GPR158: variants seen among roughly 807,000 people sequenced by gnomAD.
The protein encoded by GPR158 is G protein-coupled receptor 158, also known as metabotropic glycine receptor.
GPR158 carries 30 observed loss-of-function variants against 78.2 expected under a neutral mutation model. The ratio of observed to expected loss-of-function variants is 0.38; its 90% CI spans 0.29 to 0.52. The LOEUF (loss-of-function observed/expected upper bound fraction) is 0.52, where lower values mean the gene tolerates loss of function less well. GPR158 is among the 20% of genes least tolerant of loss of function. The probability of loss-of-function intolerance (pLI) is 0.83; values close to 1 mark genes in which losing one functional copy is unlikely to be tolerated. For synonymous variants in GPR158, 581 were observed against 591.1 expected (o/e 0.98, Z 0.25); for missense variants, 1,463 against 1,523.5 (o/e 0.96, Z 0.66).
intron 2 of GPR158, among the ~76,000 whole-genome samples, chr10:25,222,101 T>C (rs1213559777): frequency 6.6e-6 from 1 of 152,132 alleles, no homozygotes; most frequent in Admixed American, 6.5e-5. Flanking sequence ...CACAGACAGT[T>C]GCACAGGTAT....
chr10:25,379,327 G>C (rs1013668856), intron 2 of GPR158, among the ~76,000 whole-genome samples: 1 of 152,080 alleles, frequency 6.6e-6, no homozygotes, highest in South Asian at 2.1e-4. Context: ...TTCCAGAGAG[G>C]CTTTAACCTA....
intron 2 of GPR158, among the ~76,000 whole-genome samples, chr10:25,289,061 G>A (rs932467585): frequency 5.3e-5 from 8 of 152,188 alleles, no homozygotes; most frequent in African/African-American, 1.2e-4. Context: ...TGACTTACAA[G>A]CAACTTGGCC....
intron 3 of GPR158, among the ~76,000 whole-genome samples, chr10:25,409,957 T>C (rs530900109): frequency 1.3e-5 from 2 of 152,328 alleles, no homozygotes; most frequent in African/African-American, 4.8e-5. Context: ...GGACTAAAAC[T>C]CCTACTCTTT....
chr10:25,422,641 A>AAAAG (rs56289037), intron 4 of GPR158, among the ~76,000 whole-genome samples: 1 of 150,992 alleles, frequency 6.6e-6, no homozygotes, highest in Admixed American at 6.6e-5. Context: ...AAAAAAAAAA[A>AAAAG]TGTGACATAT....
At chr10:25,393,075 G>A (rs994961016) in intron 2 of GPR158, among the ~76,000 whole-genome samples, 2 of 152,140 alleles carry the variant, frequency 1.3e-5, no homozygotes, top group Non-Finnish European at 2.9e-5. Context: ...AAATCAGGAG[G>A]CATTTCTTTC....
At chr10:25,572,952 T>G in intron 7 of GPR158, 65 bp downstream of exon 7, 3 of 948,082 alleles carry the variant, frequency 3.2e-6, no homozygotes, top group Non-Finnish European at 5.2e-6. Context: ...ACTGACTTCT[T>G]TAAAAGTCTT....
chr10:25,336,812 G>T (rs1855214451), intron 2 of GPR158, among the ~76,000 whole-genome samples: 1 of 152,052 alleles, frequency 6.6e-6, no homozygotes, highest in African/African-American at 2.4e-5. Context: ...GGAAGATGGT[G>T]CTCAGGCAAT....
At position 25,319,864 on chromosome 10, in the gene GPR158, G is replaced by C. The variant is rs1854921105; in HGVS notation, c.1009-76047G>C. Among the ~76,000 whole-genome samples, 3 of 141,742 alleles carry C rather than the reference G, an allele frequency of 2.1e-5. No individual in the cohort carries two copies. The Admixed American group carries it at 2.3e-4, about 11-fold the overall frequency. The allele number at this position is 141,742 out of a possible 152,430, so 93.0% of individuals were successfully genotyped here. ...ACCCTGACCTGATTTTCTGTGTACT[G>C]TGGCAAATGAAAAATAAGGGTTCAA... On this transcript the variant is annotated intron_variant, in intron 2 of 10. Coordinates refer to ENST00000376351, the MANE Select transcript of GPR158 (RefSeq NM_020752.3).
At chr10:25,308,466 C>T (rs900555276) in intron 2 of GPR158, among the ~76,000 whole-genome samples, 2 of 152,090 alleles carry the variant, frequency 1.3e-5, no homozygotes, top group Non-Finnish European at 1.5e-5. Flanking sequence ...AGCCATTACT[C>T]TATTGCCTGT....
At chr10:25,415,855 T>A (rs1834651144) in intron 4 of GPR158, among the ~76,000 whole-genome samples, 1 of 152,016 alleles carries the variant, frequency 6.6e-6, no homozygotes, top group Non-Finnish European at 1.5e-5. Context: ...GAAGGAAGAA[T>A]GGGGAGTTAC....
In GPR158 at chr10:25,495,408, T is replaced by G. The variant is rs532982880; in HGVS notation, c.1404+28689T>G. On this transcript the variant is annotated intron_variant, in intron 5 of 10. Coordinates refer to ENST00000376351, the MANE Select transcript of GPR158 (RefSeq NM_020752.3). ...CCCAGGTTCACACCATTCTCCTGCC[T>G]CAGCCTCCTGAGTAGCTGGGACTAC... Among the ~76,000 whole-genome samples, 12 of 145,902 alleles carry G rather than the reference T, an allele frequency of 8.2e-5. No homozygotes were observed. The East Asian group carries it at 2.4e-3, about 29-fold the overall frequency.
chr10:25,291,822 AT>A (rs1220768486), intron 2 of GPR158, among the ~76,000 whole-genome samples: 1 of 151,320 alleles, frequency 6.6e-6, no homozygotes, highest in Non-Finnish European at 1.5e-5. Context: ...CAAATGAGTT[AT>A]AAGGCTATAT....
rs1031008921 is a variant in GPR158 at position 25,266,787 on chromosome 10, A to AT, written c.1008+45637dup. On this transcript the variant is annotated intron_variant, in intron 2 of 10. Transcript: ENST00000376351. Reference sequence around the variant, plus strand: ...TGAGCAGTTTTATAACCTCATAAATATTTTTTTATGATGAGTGTTAGAATG... The same window carrying AT: ...TGAGCAGTTTTATAACCTCATAAATATTTTTTTTATGATGAGTGTTAGAATG... 5.3e-5 allele frequency among the ~76,000 whole-genome samples: 8 copies of AT among 151,918 alleles called. No homozygotes were observed. In the East Asian group the frequency reaches 9.6e-4, roughly 18 times the overall value.
intron 2 of GPR158, among the ~76,000 whole-genome samples, chr10:25,305,431 T>C (rs1854659388): frequency 6.6e-6 from 1 of 152,194 alleles, no homozygotes; most frequent in Non-Finnish European, 1.5e-5. Flanking sequence ...ATGGGGACCA[T>C]ACATAGGCCA....
intron 2 of GPR158, among the ~76,000 whole-genome samples, chr10:25,272,398 A>G (rs1420227491): frequency 6.7e-6 from 1 of 149,342 alleles, no homozygotes; most frequent in Non-Finnish European, 1.5e-5. Flanking sequence ...TCTCTGGTAG[A>G]TGATTTATTT....
intron 2 of GPR158, among the ~76,000 whole-genome samples, chr10:25,345,853 A>G (rs1855364704): frequency 6.6e-6 from 1 of 151,944 alleles, no homozygotes; most frequent in African/African-American, 2.4e-5. Context: ...TAGGATCATA[A>G]TCCATTTTAG....
intron 1 of GPR158, among the ~76,000 whole-genome samples, chr10:25,182,998 C>T (rs184572353): frequency 1.1e-3 from 170 of 152,246 alleles, no homozygotes; most frequent in South Asian, 1.2e-3. Flanking sequence ...CAGCCAGCAG[C>T]GTTGTGAAGC....
Position 25,598,312 on chromosome 10 carries a change from A to G in GPR158, c.2686A>G (p.Thr896Ala). ...AGAGAAGAAAACTGGGCACCCACGAACATCGATGTTACAGAAGTCTCTCAG... is the reference window on the plus strand; with the variant it reads ...AGAGAAGAAAACTGGGCACCCACGAGCATCGATGTTACAGAAGTCTCTCAG... ...SSEKKTGHPR[T>A]SMLQKSLSVI... The change falls in exon 11 of 11, where the codon ACA (threonine) becomes GCA (alanine). Residue 896 changes from threonine to alanine, a missense_variant. By Grantham distance (58) the Thr-to-Ala change is moderately conservative. Coordinates refer to ENST00000376351, the MANE Select transcript of GPR158 (RefSeq NM_020752.3). 1.2e-6 allele frequency: 2 copies of G among 1,614,108 alleles called. No homozygotes were observed. Among genetic ancestry groups the G allele is most frequent in the Admixed American group, 1.7e-5 (1 of 60,014 alleles).
intron 8 of GPR158, 118 bp from the exon 9 acceptor site, chr10:25,594,174 A>C: frequency 1.6e-6 from 1 of 640,470 alleles, no homozygotes; most frequent in South Asian, 1.8e-5. Context: ...TAGAAATAGT[A>C]ATACAATTTC....
Sources: allele counts gnomAD v4.1 joint callset (sites outside exome capture counted in the v4.1 genomes callset), GRCh38; gene constraint gnomAD v4.1.1; transcripts MANE v1.5; gene names NCBI Gene and HGNC (gene_info 2026-07-23, HGNC 2026-07-21).